MTUS1: variants seen among roughly 807,000 people sequenced by gnomAD.
MTUS1 encodes the protein microtubule associated scaffold protein 1, also known as microtubule-associated tumor suppressor 1.
MTUS1 carries 109 observed loss-of-function variants against 120.8 expected under a neutral mutation model. The observed-to-expected ratio is 0.90, with a 90% CI of 0.77 to 1.06. The LOEUF is 1.06. Among genes scored for constraint, MTUS1 ranks in the 50% least tolerant of loss-of-function variants. The pLI is 0.00. For missense variants in MTUS1, 2,210 were observed against 1,486.3 expected (o/e 1.49, Z -8.01); for synonymous variants, 737 against 550.5 (o/e 1.34, Z -4.74).
chr8:17,719,497 T>C (rs756834463), intron 4 of MTUS1, among the ~76,000 whole-genome samples: 1 of 152,198 alleles, frequency 6.6e-6, no homozygotes, highest in Non-Finnish European at 1.5e-5. Flanking sequence ...GAGAACAAAG[T>C]TAACAGTGGT....
At chr8:17,753,046 C>T (rs779373094) in intron 2 of MTUS1, among the ~76,000 whole-genome samples, 22 of 152,090 alleles carry the variant, frequency 1.4e-4, no homozygotes, top group Non-Finnish European at 3.1e-4. Flanking sequence ...TAGACAGGCG[C>T]TATGGAAAAC....
rs1171759015 is a variant in MTUS1, at chr8:17,716,623, C to G, written c.2450-722G>C. 8 of 154,836 alleles carry G rather than the reference C, an allele frequency of 5.2e-5. No individual in the cohort carries two copies. In the South Asian group the frequency reaches 6.1e-4, roughly 12 times the overall value. The allele number at this position is 154,836 out of a possible 1,614,324, so 9.6% of individuals were successfully genotyped here. ...AGGCTGGAGTGCAGTGGCATGATCT[C>G]GGCTCGCTGCAAGCTCCGCCTCCCG... is the stretch of plus-strand genomic sequence containing the variant. On this transcript the variant is annotated intron_variant, in intron 4 of 14. Transcript: ENST00000693296.
chr8:17,743,348 T>C (rs2047482155), intron 3 of MTUS1, among the ~76,000 whole-genome samples: 1 of 152,168 alleles, frequency 6.6e-6, no homozygotes, highest in African/African-American at 2.4e-5. Flanking sequence ...GCCACCCAAT[T>C]GTATATTTAT....
chr8:17,713,051 C>T (rs1216323285), intron 6 of MTUS1, among the ~76,000 whole-genome samples, 163 bp downstream of exon 6: 1 of 152,060 alleles, frequency 6.6e-6, no homozygotes, highest in African/African-American at 2.4e-5. Context: ...GTCATGCTTA[C>T]CGTATTTTAA....
At chr8:17,788,710 C>G (rs2051514913) in intron 1 of MTUS1, among the ~76,000 whole-genome samples, 1 of 152,122 alleles carries the variant, frequency 6.6e-6, no homozygotes, top group Non-Finnish European at 1.5e-5. Context: ...ATAAAAAGCA[C>G]AATTCTAAAT....
chr8:17,654,457 A>G, intron 10 of MTUS1, 104 bp downstream of exon 10: 1 of 823,266 alleles, frequency 1.2e-6, no homozygotes. Context: ...TGAAGGCCAC[A>G]GGGCATTCGC....
intron 4 of MTUS1, among the ~76,000 whole-genome samples, chr8:17,718,171 G>A (rs1362214195): frequency 4.6e-5 from 7 of 152,256 alleles, no homozygotes; most frequent in African/African-American, 1.7e-4. Context: ...ATACCACCAT[G>A]AGTCATAATG....
chr8:17,711,191 G>T (rs546407029), intron 6 of MTUS1, among the ~76,000 whole-genome samples: 1 of 152,278 alleles, frequency 6.6e-6, no homozygotes, highest in South Asian at 2.1e-4. Context: ...CTTCTAATAA[G>T]ACAGCTTGTC....
At chr8:17,680,941 CTTTTTT>C (rs148648178) in intron 7 of MTUS1, among the ~76,000 whole-genome samples, 1 of 149,156 alleles carries the variant, frequency 6.7e-6, no homozygotes, top group Non-Finnish European at 1.5e-5. Flanking sequence ...TGCTTTTTTT[CTTTTTT>C]TTTTAAGTTG....
At chr8:17,775,632 G>A (rs2050364125) in intron 1 of MTUS1, among the ~76,000 whole-genome samples, 2 of 152,296 alleles carry the variant, frequency 1.3e-5, no homozygotes, top group African/African-American at 4.8e-5. Context: ...TCATAAAAGA[G>A]ACATTATATC....
chr8:17,681,410 G>T (rs904176923), intron 7 of MTUS1, among the ~76,000 whole-genome samples: 2 of 152,168 alleles, frequency 1.3e-5, no homozygotes, highest in Admixed American at 6.5e-5. Flanking sequence ...GACATTTTTA[G>T]TTGATAGCTT....
chr8:17,700,450 A>G (rs1818831605), intron 6 of MTUS1, among the ~76,000 whole-genome samples: 1 of 95,762 alleles, frequency 1.0e-5, no homozygotes, highest in Non-Finnish European at 2.2e-5. Context: ...AGCCTGGGCA[A>G]TAAGAGCAAA....
At chr8:17,699,416 T>C (rs964849079) in intron 6 of MTUS1, among the ~76,000 whole-genome samples, 1 of 152,156 alleles carries the variant, frequency 6.6e-6, no homozygotes, top group African/African-American at 2.4e-5. Context: ...GTTTTCACCA[T>C]GTTGGCCAGG....
chr8:17,662,946 T>G (rs1810083250), intron 8 of MTUS1, among the ~76,000 whole-genome samples: 1 of 151,866 alleles, frequency 6.6e-6, no homozygotes. Context: ...ATCTCTAAAA[T>G]GTAAGGCCAC....
At position 17,758,505 on chromosome 8, in the gene MTUS1, G is replaced by C. The variant is rs976900721; in HGVS notation, c.-154-2544C>G. Among the ~76,000 whole-genome samples the C allele has an allele frequency of 2.6e-5, 4 of 152,282 alleles. No homozygotes were observed. In the East Asian group the frequency reaches 7.7e-4, roughly 29 times the overall value. ...TTTATTGGCAAGAGCCTTAATAAAA[G>C]CTTTTATGAAACATAAATTAACATT... On this transcript the variant is annotated intron_variant, in intron 1 of 14. Coordinates refer to ENST00000693296, the MANE Select transcript of MTUS1 (RefSeq NM_001363059.2).
chr8:17,655,297 A>AAG (rs1807966849), intron 9 of MTUS1, among the ~76,000 whole-genome samples: 1 of 152,018 alleles, frequency 6.6e-6, no homozygotes, highest in Non-Finnish European at 1.5e-5. Context: ...AAAAAAAAAA[A>AAG]AAAGAAAGAA....
In MTUS1 at chr8:17,715,767, C is replaced by G; in HGVS notation, c.2584G>C (p.Gly862Arg). The G allele has an allele frequency of 6.2e-7, 1 of 1,611,406 alleles. No homozygotes were observed. The highest frequency in any genetic ancestry group is 8.5e-7 in the Non-Finnish European group (1 of 1,179,292). Reference protein sequence around the residue: ...HVHLMKTPPKGPSRKNLFTAL... With the variant: ...HVHLMKTPPKRPSRKNLFTAL... ...CTTCAAACCACAATGAGGACTGTAC[C>G]TTTTGGAGGAGTTTTCATCAAGTGA... Residue 862 changes from glycine to arginine, a missense_variant and splice_region_variant, in exon 5 of 15, where the codon GGT becomes CGT. By Grantham distance (125) the Gly-to-Arg change is moderately radical. Transcript: ENST00000693296.
At chr8:17,673,212 C>A (rs1812385166) in intron 8 of MTUS1, among the ~76,000 whole-genome samples, 1 of 152,198 alleles carries the variant, frequency 6.6e-6, no homozygotes, top group Non-Finnish European at 1.5e-5. Flanking sequence ...GGCAGAAAGC[C>A]TGCAAAGTCT....
chr8:17,762,783 C>T (rs2049143782), intron 1 of MTUS1, among the ~76,000 whole-genome samples: 1 of 152,046 alleles, frequency 6.6e-6, no homozygotes, highest in Non-Finnish European at 1.5e-5. Flanking sequence ...TCAACTGGGC[C>T]TTTGGTTGGT....
Sources: allele counts gnomAD v4.1 joint callset (sites outside exome capture counted in the v4.1 genomes callset), GRCh38; gene constraint gnomAD v4.1.1; transcripts MANE v1.5; gene names NCBI Gene and HGNC (gene_info 2026-07-23, HGNC 2026-07-21).